SERGEF: variants seen among roughly 807,000 people sequenced by gnomAD.
The protein encoded by SERGEF is secretion regulating guanine nucleotide exchange factor.
In SERGEF, 51 loss-of-function variants were observed where a neutral mutation model predicts 50.0. That is an observed-to-expected ratio of 1.02 (90% confidence interval 0.81 to 1.29). SERGEF has a LOEUF of 1.29. Among genes scored for constraint, SERGEF ranks in the 50% most tolerant of loss-of-function variants. The pLI is 0.00. For synonymous variants in SERGEF, 205 were observed against 212.4 expected (o/e 0.97, Z 0.30); for missense variants, 521 against 557.0 (o/e 0.94, Z 0.65).
intron 9 of SERGEF, among the ~76,000 whole-genome samples, chr11:17,901,684 T>C (rs1176540627): frequency 6.6e-6 from 1 of 152,204 alleles, no homozygotes; most frequent in Non-Finnish European, 1.5e-5. Context: ...AACTTCTCCA[T>C]GAAGTCTTTC....
intron 10 of SERGEF, 24 bp from the exon 11 acceptor site, chr11:17,788,437 T>C (rs781416301): frequency 6.4e-7 from 1 of 1,573,138 alleles, no homozygotes; most frequent in Non-Finnish European, 8.7e-7. Context: ...GGAAGACTGC[T>C]GTAGAAGAGG....
intron 10 of SERGEF, among the ~76,000 whole-genome samples, chr11:17,806,177 T>C (rs1383869219): frequency 6.6e-6 from 1 of 152,224 alleles, no homozygotes; most frequent in Non-Finnish European, 1.5e-5. Context: ...CATGGATGGT[T>C]CCTTGTTCCC....
chr11:17,947,947 A>T (rs905118717), intron 9 of SERGEF, among the ~76,000 whole-genome samples: 10 of 144,452 alleles, frequency 6.9e-5, no homozygotes, highest in African/African-American at 2.6e-5. Context: ...TTCCTAATCC[A>T]TTCTTTTTTT....
intron 9 of SERGEF, among the ~76,000 whole-genome samples, chr11:17,901,634 C>T (rs1851750629): frequency 6.6e-6 from 1 of 152,236 alleles, no homozygotes; most frequent in South Asian, 2.1e-4. Context: ...TCAGCTCCTT[C>T]TGTCAAAACA....
intron 6 of SERGEF, among the ~76,000 whole-genome samples, chr11:17,994,139 T>C (rs948898538): frequency 6.6e-6 from 1 of 152,190 alleles, no homozygotes. Flanking sequence ...AACAGTATAC[T>C]GTGCTATCCA....
At chr11:17,879,418 G>A (rs1248049792) in intron 9 of SERGEF, among the ~76,000 whole-genome samples, 2 of 152,174 alleles carry the variant, frequency 1.3e-5, no homozygotes, top group Non-Finnish European at 2.9e-5. Context: ...TACTGGAAGG[G>A]CCCTGGAGAT....
At chr11:18,004,629 G>A in intron 3 of SERGEF, 94 bp from the exon 4 acceptor site, 1 of 828,966 alleles carries the variant, frequency 1.2e-6, no homozygotes, top group South Asian at 1.5e-5. Context: ...CAAAGGGGAT[G>A]AGGGGAAGTG....
chr11:17,792,542 G>A (rs1212066482), intron 10 of SERGEF, among the ~76,000 whole-genome samples: 12 of 152,288 alleles, frequency 7.9e-5, no homozygotes, highest in Admixed American at 2.6e-4. Context: ...CTGGGACCGG[G>A]GTAGCCAAAG....
At chr11:17,918,627 C>CAG (rs1852091535) in intron 9 of SERGEF, 2 of 179,454 alleles carry the variant, frequency 1.1e-5, no homozygotes, top group South Asian at 1.2e-4. Flanking sequence ...CAGGAACAGA[C>CAG]ACACACACAC....
rs767280366 is a variant in SERGEF at position 17,980,139 on chromosome 11, C to A, written c.844+8458G>T. On this transcript the variant is annotated intron_variant, in intron 8 of 10. Transcript: ENST00000265965. ...CAAAGAGGCCTCTTAGCCAGTTCCA[C>A]AATAGTGGAGAAATTATCCATCTTT... Among the ~76,000 whole-genome samples, 9 of 152,196 alleles carry A rather than the reference C, an allele frequency of 5.9e-5. 1 individual carries two copies. Among genetic ancestry groups the A allele is most frequent in the Non-Finnish European group, 1.3e-4 (9 of 68,028 alleles).
At chr11:17,790,554 A>G (rs1370690246) in intron 10 of SERGEF, among the ~76,000 whole-genome samples, 1 of 152,208 alleles carries the variant, frequency 6.6e-6, no homozygotes, top group African/African-American at 2.4e-5. Flanking sequence ...TGGAAAATAT[A>G]TAGTATTATG....
chr11:18,013,025 C>G lies in SERGEF; in HGVS notation c.-15G>C, dbSNP rs1426301528. Reference sequence around the variant, plus strand: ...TCGCGCTCCATGCGAGGACGCTCCGCCGGCGCTTCCGGGAGGGACGGCACG... The same window carrying G: ...TCGCGCTCCATGCGAGGACGCTCCGGCGGCGCTTCCGGGAGGGACGGCACG... On this transcript the variant is annotated 5_prime_UTR_variant, in exon 1 of 11. Coordinates refer to ENST00000265965, the MANE Select transcript of SERGEF (RefSeq NM_012139.4). The surrounding 1 kb of genome is among the most constrained non-coding windows in gnomAD (Gnocchi z 4.3). 7.3e-7 allele frequency: 1 copy of G among 1,365,980 alleles called. No homozygotes were observed. Among genetic ancestry groups the G allele is most frequent in the East Asian group, 3.1e-5 (1 of 32,470 alleles). The allele number at this position is 1,365,980 out of a possible 1,614,324, so 84.6% of individuals were successfully genotyped here.
At chr11:17,843,977 A>T (rs1850554620) in intron 10 of SERGEF, among the ~76,000 whole-genome samples, 2 of 152,212 alleles carry the variant, frequency 1.3e-5, no homozygotes, top group Admixed American at 6.5e-5. Context: ...AAAAATTTCT[A>T]AGCACCCAAT....
At chr11:17,863,062 G>A (rs1287597413) in intron 10 of SERGEF, among the ~76,000 whole-genome samples, 1 of 152,202 alleles carries the variant, frequency 6.6e-6, no homozygotes, top group African/African-American at 2.4e-5. Context: ...AGCGGCAAGT[G>A]CAGACCTTGC....
intron 10 of SERGEF, among the ~76,000 whole-genome samples, chr11:17,877,429 T>C (rs1851258188): frequency 6.6e-6 from 1 of 152,250 alleles, no homozygotes; most frequent in Non-Finnish European, 1.5e-5. Context: ...AGCGTCATTC[T>C]ATGTGCTTTA....
At chr11:17,828,804 G>A (rs138724610) in intron 10 of SERGEF, among the ~76,000 whole-genome samples, 9 of 152,230 alleles carry the variant, frequency 5.9e-5, no homozygotes, top group African/African-American at 2.2e-4. Flanking sequence ...TAGTGCCTGA[G>A]CTTTAAATAC....
At chr11:17,818,946 T>A (rs887251450) in intron 10 of SERGEF, among the ~76,000 whole-genome samples, 2 of 152,212 alleles carry the variant, frequency 1.3e-5, no homozygotes, top group Admixed American at 1.3e-4. Flanking sequence ...CTCCTACTCA[T>A]CTTTGAAAGC....
intron 10 of SERGEF, among the ~76,000 whole-genome samples, chr11:17,832,826 C>A (rs970477370): frequency 6.6e-6 from 1 of 152,104 alleles, no homozygotes; most frequent in Admixed American, 6.5e-5. Context: ...ATTTGTGAAA[C>A]TTTGGAAAGA....
chr11:17,976,292 T>G (rs1029362194), intron 8 of SERGEF, among the ~76,000 whole-genome samples: 9 of 151,982 alleles, frequency 5.9e-5, no homozygotes, highest in African/African-American at 2.2e-4. Flanking sequence ...GATTATTTAT[T>G]TATTTATTTT....
Sources: gnomAD v4.1 joint callset for allele counts (sites outside exome capture counted in the v4.1 genomes callset) on GRCh38, gnomAD v4.1.1 for gene constraint, Gnocchi (gnomAD v3.1) non-coding constraint, MANE v1.5 for transcripts, NCBI Gene and HGNC (gene_info 2026-07-23, HGNC 2026-07-21) for gene names.